CNKSR3: variants seen among roughly 807,000 people sequenced by gnomAD.
The protein encoded by CNKSR3 is CNKSR family member 3, also known as connector enhancer of kinase suppressor of ras 3.
In CNKSR3, 36 loss-of-function variants were observed where a neutral mutation model predicts 67.7. The ratio of observed to expected loss-of-function variants is 0.53; its 90% CI spans 0.41 to 0.70. The LOEUF is 0.70. Among genes scored for constraint, CNKSR3 ranks in the 30% least tolerant of loss-of-function variants. CNKSR3 has a pLI of 0.00. For synonymous variants in CNKSR3, 281 were observed against 271.4 expected (o/e 1.04, Z -0.35); for missense variants, 630 against 695.2 (o/e 0.91, Z 1.05).
In CNKSR3 at chr6:154,460,325, T is replaced by C. The variant is rs570657244; in HGVS notation, c.53-10067A>G. Among the ~76,000 whole-genome samples, 5 of 152,312 alleles carry C rather than the reference T, an allele frequency of 3.3e-5. No individual in the cohort carries two copies. In the East Asian group the frequency reaches 9.7e-4, roughly 29 times the overall value. On this transcript the variant is annotated intron_variant, in intron 1 of 12. Transcript: ENST00000607772. ...CCTCAAAAAACAATGTATGAGGAGCTTGAAAGATAATACTGAGGGCAGGGA... is the reference window on the plus strand; with the variant it reads ...CCTCAAAAAACAATGTATGAGGAGCCTGAAAGATAATACTGAGGGCAGGGA...
Position 154,406,126 on chromosome 6 carries a change from AC to A in CNKSR3, c.*227del. 1 of 545,782 alleles carries A rather than the reference AC, an allele frequency of 1.8e-6. No homozygotes were observed. Among genetic ancestry groups the A allele is most frequent in the Non-Finnish European group, 3.3e-6 (1 of 307,000 alleles). The allele number at this position is 545,782 out of a possible 1,614,324, so 33.8% of individuals were successfully genotyped here. A position where few individuals can be genotyped will look rare whatever the true frequency, so the allele number is the denominator to read the frequency against. ...TGGGGAAGCAAGACAAACAGGCTCTACCCATTTCCCTCCTTTTGTCTCCACA... is the reference window on the plus strand; with the variant it reads ...TGGGGAAGCAAGACAAACAGGCTCTACCATTTCCCTCCTTTTGTCTCCACA... On this transcript the variant is annotated 3_prime_UTR_variant, in exon 13 of 13. Transcript: ENST00000607772.
At position 154,387,704 on chromosome 6, in the gene CNKSR3, A is replaced by G. The variant is rs1784564960; in HGVS notation, c.*18650T>C. On this transcript the variant is annotated 3_prime_UTR_variant, in exon 13 of 13. Transcript: ENST00000607772. Reference sequence around the variant, plus strand: ...AATTCTTCTGCTTTTAATGAAACATAAGAAACTGTCAAGCTTTGGAAATTA... The same window carrying G: ...AATTCTTCTGCTTTTAATGAAACATGAGAAACTGTCAAGCTTTGGAAATTA... The G allele has an allele frequency of 6.6e-6, 1 of 152,244 alleles. No homozygotes were observed. The highest frequency in any genetic ancestry group is 1.5e-5 in the Non-Finnish European group (1 of 68,040). 9.4% of individuals were successfully genotyped at this position (152,244 alleles called of 1,614,324 possible). A position where few individuals can be genotyped will look rare whatever the true frequency, so the allele number is the denominator to read the frequency against.
At chr6:154,469,187 G>T (rs1403755774) in intron 1 of CNKSR3, among the ~76,000 whole-genome samples, 2 of 152,068 alleles carry the variant, frequency 1.3e-5, no homozygotes, top group African/African-American at 4.8e-5. Flanking sequence ...AAGTTAATCT[G>T]GCAAGACTGA....
rs571831040 is a variant in CNKSR3, at chr6:154,423,075, A to T, written c.730-92T>A. 7.3e-6 allele frequency: 6 copies of T among 816,524 alleles called. No homozygotes were observed. The South Asian group carries it at 1.0e-4, about 14-fold the overall frequency. 50.6% of individuals were successfully genotyped at this position (816,524 alleles called of 1,614,324 possible). On this transcript the variant is annotated intron_variant, in intron 7 of 12. Coordinates refer to ENST00000607772, the MANE Select transcript of CNKSR3 (RefSeq NM_173515.4). ...TTCTTTCTTCTGTAGACAATTAGCA[A>T]CTGAAATAACATTTTCTCAGGAAAA...
At position 154,430,599 on chromosome 6, in the gene CNKSR3, T is replaced by C. The variant is rs373520500; in HGVS notation, c.550-8A>G. 77 of 1,602,804 alleles carry C rather than the reference T, an allele frequency of 4.8e-5. No homozygotes were observed. Among genetic ancestry groups the C allele is most frequent in the South Asian group, 4.8e-4 (42 of 87,954 alleles). On this transcript the variant is annotated splice_polypyrimidine_tract_variant and splice_region_variant and intron_variant, in intron 5 of 12. Coordinates refer to ENST00000607772, the MANE Select transcript of CNKSR3 (RefSeq NM_173515.4). ...GCCATTTAAAACCTTGACCTAGAAT[T>C]GGAGAAGCAAATAGTCAGGAAAGTT...
intron 1 of CNKSR3, among the ~76,000 whole-genome samples, chr6:154,480,069 G>A (rs1167383916): frequency 6.6e-6 from 1 of 152,202 alleles, no homozygotes; most frequent in African/African-American, 2.4e-5. Flanking sequence ...GTTGTTGGCT[G>A]TCAGGAACGG....
chr6:154,415,509 G>C (rs901096550), intron 9 of CNKSR3, among the ~76,000 whole-genome samples: 2 of 152,144 alleles, frequency 1.3e-5, no homozygotes, highest in African/African-American at 4.8e-5. Flanking sequence ...GGGATTACAG[G>C]TGTGAACCAC....
At chr6:154,455,051 G>A (rs2128719927) in intron 1 of CNKSR3, among the ~76,000 whole-genome samples, 1 of 151,390 alleles carries the variant, frequency 6.6e-6, no homozygotes, top group East Asian at 2.0e-4. Flanking sequence ...GCTCACATCT[G>A]TAATCCCAGC....
chr6:154,447,033 T>C (rs1239104107), intron 2 of CNKSR3, among the ~76,000 whole-genome samples: 1 of 152,172 alleles, frequency 6.6e-6, no homozygotes, highest in East Asian at 1.9e-4. Context: ...CTCGATATCC[T>C]GACCTTGTGA....
intron 2 of CNKSR3, among the ~76,000 whole-genome samples, chr6:154,444,961 C>T (rs1412066967): frequency 1.3e-5 from 2 of 151,636 alleles, no homozygotes; most frequent in African/African-American, 2.4e-5. Flanking sequence ...AGGCAAGTCA[C>T]GTGTCAAAAT....
Position 154,410,967 on chromosome 6 carries a change from G to T in CNKSR3, c.1246C>A (p.Pro416Thr). The change falls in exon 11 of 13, where the codon CCC (proline) becomes ACC (threonine). Residue 416 changes from proline to threonine, a missense_variant. Around this residue, in one of 3 missense-constraint regions of CNKSR3, gnomAD observed 308 missense variants for 299.6 expected, o/e 1.03. Coordinates refer to ENST00000607772, the MANE Select transcript of CNKSR3 (RefSeq NM_173515.4). ...GGTGTTTTCTCTCTCATTTTTGTGG[G>T]CAGAATGTTGGTTTCCACCGAGTAC... ...PGYSVETNILPTKMREKTPSY... is the reference protein window; with the variant it reads ...PGYSVETNILTTKMREKTPSY... 1 of 1,612,736 alleles carries T rather than the reference G, an allele frequency of 6.2e-7. No homozygotes were observed. Among genetic ancestry groups the T allele is most frequent in the Non-Finnish European group, 8.5e-7 (1 of 1,179,280 alleles).
At chr6:154,505,996 G>T (rs543133320) in intron 1 of CNKSR3, among the ~76,000 whole-genome samples, 2 of 152,270 alleles carry the variant, frequency 1.3e-5, no homozygotes, top group African/African-American at 4.8e-5. Flanking sequence ...TTAGAGAAAA[G>T]GACCTCATAT....
At chr6:154,426,785 T>G (rs1275347150) in intron 7 of CNKSR3, among the ~76,000 whole-genome samples, 1 of 152,218 alleles carries the variant, frequency 6.6e-6, no homozygotes, top group Non-Finnish European at 1.5e-5. Flanking sequence ...GAAAACACAC[T>G]GGTCTGGTTA....
intron 7 of CNKSR3, among the ~76,000 whole-genome samples, chr6:154,425,612 G>C (rs1785239202): frequency 6.6e-6 from 1 of 152,212 alleles, no homozygotes; most frequent in Non-Finnish European, 1.5e-5. Context: ...GGATGAGGCT[G>C]TGTCAAGACT....
At chr6:154,499,626 T>G (rs1786943279) in intron 1 of CNKSR3, among the ~76,000 whole-genome samples, 3 of 152,286 alleles carry the variant, frequency 2.0e-5, no homozygotes, top group African/African-American at 7.2e-5. Context: ...TCTACCGGGT[T>G]TTTTTAATGT....
chr6:154,496,963 C>T (rs1232596972), intron 1 of CNKSR3, among the ~76,000 whole-genome samples: 1 of 152,174 alleles, frequency 6.6e-6, no homozygotes, highest in Non-Finnish European at 1.5e-5. Flanking sequence ...TCAGACACAT[C>T]AGGGTTTGGT....
At chr6:154,411,190 C>A in intron 10 of CNKSR3, 48 bp from the exon 11 acceptor site, 1 of 1,356,070 alleles carries the variant, frequency 7.4e-7, no homozygotes, top group South Asian at 1.2e-5. Flanking sequence ...AAGATGTTCT[C>A]ATACTGAAGA....
intron 1 of CNKSR3, among the ~76,000 whole-genome samples, chr6:154,503,419 A>G (rs1787036669): frequency 6.6e-6 from 1 of 152,144 alleles, no homozygotes; most frequent in South Asian, 2.1e-4. Context: ...GCAGACCAGG[A>G]GTTCCAGACC....
chr6:154,411,080 G>T lies in CNKSR3; in HGVS notation c.1133C>A (p.Pro378His), dbSNP rs779250236. 1.2e-6 allele frequency: 2 copies of T among 1,613,952 alleles called. No homozygotes were observed. Residue 378 changes from proline to histidine, a missense_variant, in exon 11 of 13, where the codon CCT (proline) becomes CAT (histidine). Pro to His is a moderately conservative substitution (Grantham distance 77). Around this residue, in one of 3 missense-constraint regions of CNKSR3, gnomAD observed 308 missense variants for 299.6 expected, o/e 1.03. Coordinates refer to ENST00000607772, the MANE Select transcript of CNKSR3 (RefSeq NM_173515.4). ...GGAATTCGGGGACTCTGAACCCTTA[G>T]GACCAGGCAATGGTTGTTTGCACTT... ...SSKCKQPLPG[P>H]KGSESPNSFL...
Sources: allele counts gnomAD v4.1 joint callset (sites outside exome capture counted in the v4.1 genomes callset), GRCh38; gene constraint gnomAD v4.1.1; regional missense constraint gnomAD v4.1.1; transcripts MANE v1.5; gene names NCBI Gene and HGNC (gene_info 2026-07-23, HGNC 2026-07-21).